ZNF713: variants seen among roughly 807,000 people sequenced by gnomAD.
ZNF713 encodes zinc finger protein 713.
ZNF713 carries 21 observed loss-of-function variants against 28.7 expected under a neutral mutation model. The observed-to-expected ratio is 0.73, with a 90% CI of 0.52 to 1.05. The LOEUF is 1.05. ZNF713 is among the 50% of genes least tolerant of loss of function. The probability of loss-of-function intolerance (pLI) is 0.00; values close to 1 mark genes in which losing one functional copy is unlikely to be tolerated. For synonymous variants in ZNF713, 167 were observed against 178.0 expected (o/e 0.94, Z 0.49); for missense variants, 458 against 532.4 (o/e 0.86, Z 1.37).
rs61092452 is a variant in ZNF713, at chr7:55,932,890, C to CAAAAAAAAA, written c.308-6080_308-6072dup. ...TGGGCGACAGAGCGAGACTCCGTCT[C>CAAAAAAAAA]AAAAAAAAAAAAAAAAAAAAGAAGC... On this transcript the variant is annotated intron_variant, in intron 6 of 6. Coordinates refer to ENST00000429591, the MANE Select transcript of ZNF713 (RefSeq NM_182633.3). Among the ~76,000 whole-genome samples, 140 of 47,720 alleles carry CAAAAAAAAA rather than the reference C, an allele frequency of 2.9e-3. 8 individuals carry two copies. The highest frequency in any genetic ancestry group is 0.011 in the African/African-American group (118 of 11,234). The allele number at this position is 47,720 out of a possible 152,430, so 31.3% of individuals were successfully genotyped here.
chr7:55,890,372 C>T (rs1188573951), intron 1 of ZNF713, among the ~76,000 whole-genome samples: 1 of 150,770 alleles, frequency 6.6e-6, no homozygotes, highest in African/African-American at 2.4e-5. Context: ...ATTGCTTGAA[C>T]CCGGGAGGCA....
chr7:55,913,090 T>C (rs1208084745), intron 4 of ZNF713, among the ~76,000 whole-genome samples: 1 of 152,088 alleles, frequency 6.6e-6, no homozygotes, highest in Admixed American at 6.6e-5. Flanking sequence ...TGCTTGGAGC[T>C]AATGGGATTA....
chr7:55,936,058 A>G (rs572259395), intron 6 of ZNF713, among the ~76,000 whole-genome samples: 2 of 152,084 alleles, frequency 1.3e-5, no homozygotes, highest in East Asian at 3.9e-4. Flanking sequence ...TGAGGTCAAG[A>G]GTTCAAGACC....
intron 1 of ZNF713, among the ~76,000 whole-genome samples, chr7:55,893,772 A>G (rs1311904310): frequency 6.6e-6 from 1 of 151,854 alleles, no homozygotes; most frequent in Non-Finnish European, 1.5e-5. Flanking sequence ...TAGAGACAGC[A>G]TTTCACTATG....
chr7:55,893,823 G>A (rs150249357), intron 1 of ZNF713, among the ~76,000 whole-genome samples: 3 of 151,958 alleles, frequency 2.0e-5, no homozygotes, highest in Non-Finnish European at 2.9e-5. Context: ...CAAATGATCC[G>A]TCCACCTTGG....
intron 6 of ZNF713, among the ~76,000 whole-genome samples, chr7:55,935,872 G>T (rs999749265): frequency 6.6e-6 from 1 of 151,520 alleles, no homozygotes; most frequent in Admixed American, 6.6e-5. Context: ...GGAGAATGGC[G>T]TGAACCTGGG....
At chr7:55,925,540 G>C (rs572481830) in intron 6 of ZNF713, among the ~76,000 whole-genome samples, 1 of 152,216 alleles carries the variant, frequency 6.6e-6, no homozygotes, top group East Asian at 1.9e-4. Context: ...ATAATCGCTT[G>C]AACCTGGGAG....
At chr7:55,932,372 A>AC (rs1336004122) in intron 6 of ZNF713, among the ~76,000 whole-genome samples, 1 of 151,372 alleles carries the variant, frequency 6.6e-6, no homozygotes, top group Non-Finnish European at 1.5e-5. Context: ...CTACCAAAAA[A>AC]AAAAAGGCAG....
chr7:55,903,589 C>T (rs1222792313), intron 1 of ZNF713, among the ~76,000 whole-genome samples: 1 of 151,336 alleles, frequency 6.6e-6, no homozygotes, highest in Non-Finnish European at 1.5e-5. Flanking sequence ...ATCGCTTGAA[C>T]CTAGGAGGCA....
chr7:55,927,919 A>AAAAAAAAAAAC (rs2116250996), intron 6 of ZNF713, among the ~76,000 whole-genome samples: 5 of 149,568 alleles, frequency 3.3e-5, no homozygotes, highest in African/African-American at 4.9e-5. Context: ...AAAAAAAAAA[A>AAAAAAAAAAAC]AGCCACAAGA....
At chr7:55,890,657 C>T (rs1056915847) in intron 1 of ZNF713, among the ~76,000 whole-genome samples, 3 of 151,790 alleles carry the variant, frequency 2.0e-5, no homozygotes, top group African/African-American at 7.3e-5. Context: ...AAAATGTATC[C>T]CTTAAGAGAA....
rs1170761907 is a variant in ZNF713, at chr7:55,939,308, CAG to C, written c.635_636del (p.Gln212ArgfsTer7). 6.2e-7 allele frequency: 1 copy of C among 1,614,110 alleles called. No homozygotes were observed. On this transcript the variant is annotated frameshift_variant, in exon 7 of 7. Coordinates refer to ENST00000429591, the MANE Select transcript of ZNF713 (RefSeq NM_182633.3). LOFTEE classifies it high-confidence loss of function. ...SIKIPLNSDT[Q>X]GNSIKHNSDL... ...TAAAATACCCCTGAATTCTGACACACAGGGAAACAGCATCAAACATAATTCAG... is the reference window on the plus strand; with the variant it reads ...TAAAATACCCCTGAATTCTGACACACGGAAACAGCATCAAACATAATTCAG...
intron 6 of ZNF713, among the ~76,000 whole-genome samples, chr7:55,926,242 A>G (rs1786092377): frequency 6.6e-6 from 1 of 152,162 alleles, no homozygotes; most frequent in African/African-American, 2.4e-5. Context: ...TCTGGGATGC[A>G]GAGGTTGCAG....
intron 4 of ZNF713, among the ~76,000 whole-genome samples, chr7:55,916,220 C>T (rs1365687102): frequency 6.6e-6 from 1 of 152,200 alleles, no homozygotes; most frequent in East Asian, 1.9e-4. Context: ...CCTAAACAGT[C>T]CTATAGAATC....
chr7:55,891,273 A>G (rs1403857341), intron 1 of ZNF713, among the ~76,000 whole-genome samples: 1 of 152,204 alleles, frequency 6.6e-6, no homozygotes, highest in African/African-American at 2.4e-5. Context: ...GTTATTTAAT[A>G]GAAGAATTGT....
chr7:55,896,426 T>C (rs1240940639), intron 1 of ZNF713, among the ~76,000 whole-genome samples: 3 of 152,242 alleles, frequency 2.0e-5, no homozygotes, highest in African/African-American at 2.4e-5. Flanking sequence ...CTGTGTTATA[T>C]GTATGTCACA....
intron 6 of ZNF713, among the ~76,000 whole-genome samples, chr7:55,930,416 T>TA (rs988124513): frequency 1.1e-4 from 17 of 152,206 alleles, no homozygotes; most frequent in Non-Finnish European, 1.9e-4. Context: ...CCTTTCCACA[T>TA]ACCTTGTTTG....
At chr7:55,889,467 A>T (rs1785338760) in intron 1 of ZNF713, among the ~76,000 whole-genome samples, 1 of 152,216 alleles carries the variant, frequency 6.6e-6, no homozygotes, top group South Asian at 2.1e-4. Flanking sequence ...AAAAAAAATA[A>T]TTTTTTAAAA....
At chr7:55,907,631 C>A (rs746875405) in intron 2 of ZNF713, among the ~76,000 whole-genome samples, 69 of 152,268 alleles carry the variant, frequency 4.5e-4, no homozygotes, top group South Asian at 1.5e-3. Context: ...CTTTTGGAGT[C>A]TCCAGTGTCT....
Sources: gnomAD v4.1 joint callset for allele counts (sites outside exome capture counted in the v4.1 genomes callset) on GRCh38, gnomAD v4.1.1 for gene constraint, MANE v1.5 for transcripts, NCBI Gene and HGNC (gene_info 2026-07-23, HGNC 2026-07-21) for gene names.